Variants in COL24A1 observed in about 807,000 individuals in gnomAD.
COL24A1 encodes the protein collagen type XXIV alpha 1 chain, also known as collagen alpha-1(XXIV) chain.
A neutral mutation model predicts 253.9 loss-of-function variants in COL24A1; 224 were observed. The observed-to-expected ratio is 0.88, with a 90% CI of 0.79 to 0.99. The LOEUF (loss-of-function observed/expected upper bound fraction) is 0.99, where lower values mean the gene tolerates loss of function less well. Ranked by LOEUF, COL24A1 falls within the 50% of genes least tolerant of loss-of-function variation. The pLI, the probability that COL24A1 is intolerant of heterozygous loss-of-function variation, is 0.00. For synonymous variants in COL24A1, 685 were observed against 673.7 expected (o/e 1.02, Z -0.26); for missense variants, 2,131 against 2,068.5 (o/e 1.03, Z -0.59).
intron 55 of COL24A1, among the ~76,000 whole-genome samples, chr1:85,757,671 T>C (rs1471065325): frequency 6.6e-6 from 1 of 152,156 alleles, no homozygotes; most frequent in African/African-American, 2.4e-5. Context: ...ATCCCCAAGG[T>C]ATTCACAAAG....
chr1:86,085,661 C>G (rs571446680), intron 7 of COL24A1, among the ~76,000 whole-genome samples: 3 of 152,266 alleles, frequency 2.0e-5, no homozygotes, highest in Non-Finnish European at 4.4e-5. Context: ...TCCATTCAAC[C>G]AAGCATGCAC....
At chr1:86,154,079 C>T (rs1193599678) in intron 1 of COL24A1, 1 of 152,174 alleles carries the variant, frequency 6.6e-6, no homozygotes, top group Non-Finnish European at 1.5e-5. Context: ...TCATCAGAGA[C>T]TCTAAGGTTT....
chr1:85,890,957 CTCAG>C (rs980383306), intron 31 of COL24A1, among the ~76,000 whole-genome samples: 4 of 152,150 alleles, frequency 2.6e-5, no homozygotes, highest in Admixed American at 1.3e-4. Context: ...TCTTCTCTGA[CTCAG>C]TCAAAGATTT....
intron 47 of COL24A1, among the ~76,000 whole-genome samples, chr1:85,791,053 CA>C (rs1228228384): frequency 6.6e-6 from 1 of 152,066 alleles, no homozygotes; most frequent in African/African-American, 2.4e-5. Flanking sequence ...AATCACATAG[CA>C]AAAATACACT....
chr1:85,736,395 C>T (rs745362592), intron 58 of COL24A1: 3 of 456,200 alleles, frequency 6.6e-6, no homozygotes, highest in Middle Eastern at 3.2e-4. Flanking sequence ...GCCCCATCTT[C>T]TTTCCTTCTA....
At chr1:85,737,627 G>C (rs943227115) in intron 57 of COL24A1, 122 bp from the exon 58 acceptor site, 2 of 615,446 alleles carry the variant, frequency 3.2e-6, no homozygotes, top group South Asian at 5.4e-5. Flanking sequence ...GCAGCGGTGC[G>C]ATCTTGGCTC....
chr1:85,874,061 A>G (rs879709094), intron 35 of COL24A1, among the ~76,000 whole-genome samples: 24 of 152,200 alleles, frequency 1.6e-4, no homozygotes, highest in Non-Finnish European at 2.4e-4. Flanking sequence ...GATGCAAAAT[A>G]TATCTCCCTA....
chr1:85,963,690 TA>T (rs927289861), intron 23 of COL24A1, among the ~76,000 whole-genome samples: 5 of 152,080 alleles, frequency 3.3e-5, no homozygotes, highest in African/African-American at 1.2e-4. Flanking sequence ...CAGTGACAGC[TA>T]GGGAGGAATG....
intron 37 of COL24A1, among the ~76,000 whole-genome samples, chr1:85,864,563 A>T (rs537363558): frequency 6.6e-6 from 1 of 152,134 alleles, no homozygotes; most frequent in African/African-American, 2.4e-5. Flanking sequence ...GACATTATAA[A>T]CATTTGCTAT....
At chr1:85,927,211 CCA>C (rs1558690470) in intron 24 of COL24A1, among the ~76,000 whole-genome samples, 1 of 151,266 alleles carries the variant, frequency 6.6e-6, no homozygotes, top group Non-Finnish European at 1.5e-5. Flanking sequence ...TGGGCGGAGG[CCA>C]GTGTGTGTGC....
chr1:85,856,027 A>G (rs1353794448), intron 37 of COL24A1, among the ~76,000 whole-genome samples: 2 of 152,070 alleles, frequency 1.3e-5, no homozygotes, highest in African/African-American at 4.8e-5. Flanking sequence ...TTTCCGTGGT[A>G]TTGATGGTAA....
chr1:85,895,848 A>T lies in COL24A1; in HGVS notation c.2922+10T>A, dbSNP rs751602389. On this transcript the variant is annotated intron_variant, in intron 31 of 59. Coordinates refer to ENST00000370571, the MANE Select transcript of COL24A1 (RefSeq NM_152890.7). ...AAATTTTTCATAGCATGATTTTTTA[A>T]ATTACTTACTGGTTTCCCTTGAAAT... 8.1e-6 allele frequency: 13 copies of T among 1,602,254 alleles called. No individual in the cohort carries two copies. The highest frequency in any genetic ancestry group is 1.0e-5 in the Non-Finnish European group (12 of 1,175,100).
At chr1:85,858,621 C>CCTCCT (rs1553201493) in intron 37 of COL24A1, among the ~76,000 whole-genome samples, 4 of 113,270 alleles carry the variant, frequency 3.5e-5, no homozygotes, top group African/African-American at 1.2e-4. Context: ...TATTTTCTCC[C>CCTCCT]TCCTTCCTTC....
intron 19 of COL24A1, among the ~76,000 whole-genome samples, chr1:86,015,883 C>CTTTTTT (rs34005326): frequency 8.8e-5 from 12 of 136,200 alleles, no homozygotes; most frequent in South Asian, 2.4e-4. Flanking sequence ...TCTACTTTTT[C>CTTTTTT]TTTTTTTTTT....
chr1:86,140,657 G>A (rs1346676636), intron 2 of COL24A1, among the ~76,000 whole-genome samples: 1 of 152,242 alleles, frequency 6.6e-6, no homozygotes, highest in Non-Finnish European at 1.5e-5. Flanking sequence ...AGATGTGCAT[G>A]TTAAGAATTA....
intron 24 of COL24A1, among the ~76,000 whole-genome samples, chr1:85,922,845 A>G (rs1686688214): frequency 6.6e-6 from 1 of 152,248 alleles, no homozygotes; most frequent in Non-Finnish European, 1.5e-5. Context: ...AATGGGCTAA[A>G]TGCCCCAATT....
At chr1:85,959,223 C>T (rs12411184) in intron 24 of COL24A1, among the ~76,000 whole-genome samples, 17,608 of 151,990 alleles carry the variant, frequency 0.12, 1,138 homozygotes, top group South Asian at 0.23. Context: ...TTACTGAGAG[C>T]CAAAAATAAA....
intron 24 of COL24A1, among the ~76,000 whole-genome samples, chr1:85,932,529 C>G (rs1286957528): frequency 8.4e-6 from 1 of 119,740 alleles, no homozygotes; most frequent in African/African-American, 3.5e-5. Context: ...GTCAGTGTGG[C>G]GATTCCTCAG....
intron 5 of COL24A1, among the ~76,000 whole-genome samples, chr1:86,098,241 G>A (rs1704156184): frequency 6.6e-6 from 1 of 151,722 alleles, no homozygotes; most frequent in African/African-American, 2.4e-5. Flanking sequence ...GGGGCTACCA[G>A]AATGACTGTA....
Sources: allele counts gnomAD v4.1 joint callset (sites outside exome capture counted in the v4.1 genomes callset), GRCh38; gene constraint gnomAD v4.1.1; transcripts MANE v1.5; gene names NCBI Gene and HGNC (gene_info 2026-07-23, HGNC 2026-07-21).